The following KIRREL3 variants were observed in gnomAD, a reference collection of about 807,000 sequenced individuals.
KIRREL3 encodes the protein kin of IRRE-like protein 3.
Under a neutral mutation model 89.7 loss-of-function variants are expected in KIRREL3, and 36 were observed. The observed-to-expected ratio is 0.40, with a 90% CI of 0.31 to 0.53. The LOEUF (loss-of-function observed/expected upper bound fraction) is 0.53. Ranked by LOEUF, KIRREL3 falls within the 20% of genes least tolerant of loss-of-function variation. The pLI, the probability that KIRREL3 is intolerant of heterozygous loss-of-function variation, is 0.49. For synonymous variants in KIRREL3, 445 were observed against 441.4 expected (o/e 1.01, Z -0.10); for missense variants, 864 against 1,056.6 (o/e 0.82, Z 2.53).
chr11:126,768,021 T>C lies in KIRREL3; in HGVS notation c.56-205109A>G, dbSNP rs1298480571. Among the ~76,000 whole-genome samples the C allele has an allele frequency of 6.6e-6, 1 of 152,268 alleles. No individual in the cohort carries two copies. The highest frequency in any genetic ancestry group is 2.4e-5 in the African/African-American group (1 of 41,476). On this transcript the variant is annotated intron_variant, in intron 1 of 16. Coordinates refer to ENST00000525144, the MANE Select transcript of KIRREL3 (RefSeq NM_032531.4). The surrounding 1 kb of genome is among the most constrained non-coding windows in gnomAD (Gnocchi z 4.5). ...TCATGACATCCAAAGCCCTGTGTTC[T>C]GCTTCTGAAATGTCTCTCCATCCTC...
chr11:126,902,338 T>C (rs1344069111), intron 1 of KIRREL3, among the ~76,000 whole-genome samples: 4 of 152,208 alleles, frequency 2.6e-5, no homozygotes, highest in Non-Finnish European at 5.9e-5. Flanking sequence ...GAGGATCCCA[T>C]TGCTTAACAT....
intron 1 of KIRREL3, among the ~76,000 whole-genome samples, chr11:126,871,158 C>T (rs1784353): frequency 0.86 from 131,527 of 152,236 alleles, 57,174 homozygotes; most frequent in East Asian, 1. Flanking sequence ...CAAAGCATGC[C>T]GAGGACACTG....
At chr11:126,790,636 G>C (rs1306968036) in intron 1 of KIRREL3, among the ~76,000 whole-genome samples, 4 of 152,138 alleles carry the variant, frequency 2.6e-5, no homozygotes, top group African/African-American at 9.7e-5. Context: ...CACCAAGCTT[G>C]AGGTGAACGT....
chr11:126,856,301 G>C (rs1207577964), intron 1 of KIRREL3, among the ~76,000 whole-genome samples: 3 of 152,072 alleles, frequency 2.0e-5, no homozygotes, highest in Non-Finnish European at 2.9e-5. Flanking sequence ...CTTTGCTTCT[G>C]CATTGAAATG....
rs1269007476 is a variant in KIRREL3 at position 126,471,319 on chromosome 11, G to A, written c.591+1990C>T. Among the ~76,000 whole-genome samples the A allele has an allele frequency of 2.6e-5, 4 of 151,864 alleles. No homozygotes were observed. The highest frequency in any genetic ancestry group is 9.7e-5 in the African/African-American group (4 of 41,318). ...CAGGAGGTGGAGGTTGCGGTGAGCT[G>A]AGATCACGCCATTGCACTCCAGTCT... is the stretch of plus-strand genomic sequence containing the variant. On this transcript the variant is annotated intron_variant, in intron 5 of 16. Coordinates refer to ENST00000525144, the MANE Select transcript of KIRREL3 (RefSeq NM_032531.4). This position sits in a 1 kb window ranked among gnomAD's most constrained non-coding sequence, Gnocchi z 5.4.
At chr11:126,799,469 T>TGCCTGTAGGC in intron 1 of KIRREL3, among the ~76,000 whole-genome samples, 3 of 152,188 alleles carry the variant, frequency 2.0e-5, no homozygotes, top group Non-Finnish European at 2.9e-5. Flanking sequence ...TGCATGTGTG[T>TGCCTGTAGGC]ATCTGTGTGT....
intron 1 of KIRREL3, among the ~76,000 whole-genome samples, chr11:126,809,659 A>G (rs563109681): frequency 1.6e-4 from 25 of 152,332 alleles, no homozygotes; most frequent in Admixed American, 3.3e-4. Flanking sequence ...TAGAGGACTC[A>G]CAGAAGTCAC....
intron 2 of KIRREL3, among the ~76,000 whole-genome samples, chr11:126,532,618 T>C (rs1205302809): frequency 6.6e-6 from 1 of 152,120 alleles, no homozygotes; most frequent in African/African-American, 2.4e-5. Context: ...TCAAGTGATC[T>C]GCCCACCTCG....
intron 1 of KIRREL3, among the ~76,000 whole-genome samples, chr11:126,942,164 A>G (rs1268795144): frequency 6.6e-6 from 1 of 152,272 alleles, no homozygotes; most frequent in Admixed American, 6.5e-5. Context: ...CACCTGTTGG[A>G]GCTTCATAGC....
At chr11:126,706,664 G>C (rs967458009) in intron 1 of KIRREL3, among the ~76,000 whole-genome samples, 1 of 151,992 alleles carries the variant, frequency 6.6e-6, no homozygotes, top group Non-Finnish European at 1.5e-5. Flanking sequence ...TTTCATCTTC[G>C]GTTGTGTAAT....
rs944369174 is a variant in KIRREL3, at chr11:126,955,580, T to A, written c.55+44875A>T. On this transcript the variant is annotated intron_variant, in intron 1 of 16. Coordinates refer to ENST00000525144, the MANE Select transcript of KIRREL3 (RefSeq NM_032531.4). This position sits in a 1 kb window ranked among gnomAD's most constrained non-coding sequence, Gnocchi z 4.6. ...GGCCAGGGAGACTTCCTTGCTGCAT[T>A]CTATCTCACTCCACCCCAATCCATT... is the stretch of plus-strand genomic sequence containing the variant. 5.9e-5 allele frequency among the ~76,000 whole-genome samples: 9 copies of A among 152,190 alleles called. No individual in the cohort carries two copies. Among genetic ancestry groups the A allele is most frequent in the African/African-American group, 2.2e-4 (9 of 41,458 alleles).
At chr11:126,650,702 C>T (rs566635486) in intron 1 of KIRREL3, among the ~76,000 whole-genome samples, 20 of 152,296 alleles carry the variant, frequency 1.3e-4, no homozygotes, top group Admixed American at 2.6e-4. Context: ...CAAACTTTCC[C>T]ACATTTTCGT....
rs1949730194 is a variant in KIRREL3, at chr11:126,763,609, G to C, written c.56-200697C>G. 6.6e-6 allele frequency among the ~76,000 whole-genome samples: 1 copy of C among 152,196 alleles called. No individual in the cohort carries two copies. Among genetic ancestry groups the C allele is most frequent in the South Asian group, 2.1e-4 (1 of 4,824 alleles). On this transcript the variant is annotated intron_variant, in intron 1 of 16. Coordinates refer to ENST00000525144, the MANE Select transcript of KIRREL3 (RefSeq NM_032531.4). The surrounding 1 kb of genome is among the most constrained non-coding windows in gnomAD (Gnocchi z 4.7). ...GGACCAAGGCCCAGCGAGAGTAGGT[G>C]GTAGGTAGGCAATGGCCAGTGGGGC...
rs1391701818 is a variant in KIRREL3 at position 126,655,196 on chromosome 11, G to GA, written c.56-92285dup. On this transcript the variant is annotated intron_variant, in intron 1 of 16. Coordinates refer to ENST00000525144, the MANE Select transcript of KIRREL3 (RefSeq NM_032531.4). This position sits in a 1 kb window ranked among gnomAD's most constrained non-coding sequence, Gnocchi z 5.0. ...GGGTACGGGGAAAGGGGTAAGAAAGGAGATTAGTCACTTGAGTCAGGATAA... is the reference window on the plus strand; with the variant it reads ...GGGTACGGGGAAAGGGGTAAGAAAGGAAGATTAGTCACTTGAGTCAGGATAA... 6.6e-6 allele frequency among the ~76,000 whole-genome samples: 1 copy of GA among 152,236 alleles called. No homozygotes were observed. The highest frequency in any genetic ancestry group is 2.4e-5 in the African/African-American group (1 of 41,460).
chr11:126,671,951 C>G (rs188893789), intron 1 of KIRREL3, among the ~76,000 whole-genome samples: 3 of 152,174 alleles, frequency 2.0e-5, no homozygotes, highest in Admixed American at 6.5e-5. Flanking sequence ...TGAAAACTTA[C>G]GTGCACACAA....
chr11:126,863,464 TGTG>T (rs1473254523), intron 1 of KIRREL3, among the ~76,000 whole-genome samples: 1 of 6,324 alleles, frequency 1.6e-4, no homozygotes, highest in Non-Finnish European at 2.9e-4. Flanking sequence ...TTTGAGTGCG[TGTG>T]TGTGTGAGTG....
rs1252736707 is a variant in KIRREL3, at chr11:126,946,887, A to ACT, written c.55+53566_55+53567dup. ...GTAACTAGGGTGTGGTGGGCCTTGA[A>ACT]CTAGGCATTTGGTATCACCATACAG... On this transcript the variant is annotated intron_variant, in intron 1 of 16. Transcript: ENST00000525144. This position sits in a 1 kb window ranked among gnomAD's most constrained non-coding sequence, Gnocchi z 4.1. 1.3e-5 allele frequency among the ~76,000 whole-genome samples: 2 copies of ACT among 152,240 alleles called. No homozygotes were observed. Among genetic ancestry groups the ACT allele is most frequent in the African/African-American group, 4.8e-5 (2 of 41,466 alleles).
intron 1 of KIRREL3, among the ~76,000 whole-genome samples, chr11:126,863,026 T>C (rs1224247318): frequency 6.6e-6 from 1 of 151,716 alleles, no homozygotes; most frequent in East Asian, 1.9e-4. Flanking sequence ...GCTTAGGGAG[T>C]GTGATGGTTA....
rs547568379 is a variant in KIRREL3 at position 126,770,315 on chromosome 11, G to A, written c.56-207403C>T. On this transcript the variant is annotated intron_variant, in intron 1 of 16. Transcript: ENST00000525144. Reference sequence around the variant, plus strand: ...TTTTCACCCTGACCTATAGACACCCGCAAAAGTCTTCTGGTTGGTCCCCAA... The same window carrying A: ...TTTTCACCCTGACCTATAGACACCCACAAAAGTCTTCTGGTTGGTCCCCAA... Among the ~76,000 whole-genome samples the A allele has an allele frequency of 4.6e-5, 7 of 152,136 alleles. No individual in the cohort carries two copies. The South Asian group carries it at 1.2e-3, about 27-fold the overall frequency.
Sources: allele counts gnomAD v4.1 joint callset (sites outside exome capture counted in the v4.1 genomes callset), GRCh38; gene constraint gnomAD v4.1.1; non-coding constraint Gnocchi (gnomAD v3.1); transcripts MANE v1.5; gene names NCBI Gene and HGNC (gene_info 2026-07-23, HGNC 2026-07-21).